Variants in LRBA observed in about 807,000 individuals in gnomAD.
LRBA encodes the protein lipopolysaccharide-responsive and beige-like anchor protein.
A neutral mutation model predicts 330.0 loss-of-function variants in LRBA; 176 were observed. The observed-to-expected ratio is 0.53, with a 90% CI of 0.47 to 0.60. The LOEUF is 0.60. Among genes scored for constraint, LRBA ranks in the 20% least tolerant of loss-of-function variants. LRBA has a pLI of 0.00. For synonymous variants in LRBA, 1,230 were observed against 1,193.0 expected (o/e 1.03, Z -0.64); for missense variants, 3,259 against 3,444.8 (o/e 0.95, Z 1.35).
rs1188733587 is a variant in LRBA, at chr4:150,463,947, G to A, written c.6780+3726C>T. ...TAAAAAAGGGTGGTGTTAGGATGAGGTAAAAGGGTTATGAGAACTTTTGGT... is the reference window on the plus strand; with the variant it reads ...TAAAAAAGGGTGGTGTTAGGATGAGATAAAAGGGTTATGAGAACTTTTGGT... On this transcript the variant is annotated intron_variant, in intron 44 of 56. Coordinates refer to ENST00000651943, the MANE Select transcript of LRBA (RefSeq NM_001364905.1). Among the ~76,000 whole-genome samples the A allele has an allele frequency of 2.0e-5, 3 of 150,960 alleles. No individual in the cohort carries two copies. The East Asian group carries it at 5.8e-4, about 29-fold the overall frequency.
chr4:150,959,781 T>C (rs752986787), intron 2 of LRBA, among the ~76,000 whole-genome samples: 1 of 145,546 alleles, frequency 6.9e-6, no homozygotes, highest in Non-Finnish European at 1.5e-5. Context: ...CTTATTATAT[T>C]ATCTATAATT....
chr4:150,438,616 T>C (rs1320171648), intron 44 of LRBA, among the ~76,000 whole-genome samples: 1 of 152,214 alleles, frequency 6.6e-6, no homozygotes, highest in African/African-American at 2.4e-5. Flanking sequence ...AAATATCTGA[T>C]TATTTGTGGA....
At chr4:150,881,907 C>A (rs1654012518) in intron 17 of LRBA, among the ~76,000 whole-genome samples, 1 of 151,986 alleles carries the variant, frequency 6.6e-6, no homozygotes, top group Admixed American at 6.6e-5. Context: ...ACCAACATGG[C>A]AAAACCCTGT....
chr4:150,854,868 T>G (rs1188420004), intron 22 of LRBA, among the ~76,000 whole-genome samples: 1 of 152,216 alleles, frequency 6.6e-6, no homozygotes. Flanking sequence ...AGATTATGAT[T>G]GTAGAACATT....
rs182428382 is a variant in LRBA at position 150,368,774 on chromosome 4, C to T, written c.7195-18615G>A. ...AGGTGATGTCAAGTAATTTAAAAAA[C>T]ATATTCTAAAAAGAGCTTCTTCTGT... On this transcript the variant is annotated intron_variant, in intron 47 of 56. Coordinates refer to ENST00000651943, the MANE Select transcript of LRBA (RefSeq NM_001364905.1). 1.1e-3 allele frequency among the ~76,000 whole-genome samples: 161 copies of T among 152,258 alleles called. 4 individuals are homozygous for T. Among genetic ancestry groups the T allele is most frequent in the African/African-American group, 3.8e-3 (158 of 41,566 alleles).
intron 26 of LRBA, among the ~76,000 whole-genome samples, chr4:150,846,828 T>G (rs560736893): frequency 1.3e-5 from 2 of 152,290 alleles, no homozygotes; most frequent in African/African-American, 4.8e-5. Context: ...CATTTCCATA[T>G]ATAAGAACAG....
chr4:150,339,216 AC>A (rs1409191970), intron 48 of LRBA, among the ~76,000 whole-genome samples: 8 of 152,166 alleles, frequency 5.3e-5, no homozygotes, highest in African/African-American at 1.9e-4. Flanking sequence ...GGATTAAATA[AC>A]ATATATAGAA....
At chr4:150,994,529 G>A (rs1742435620) in intron 2 of LRBA, among the ~76,000 whole-genome samples, 1 of 152,188 alleles carries the variant, frequency 6.6e-6, no homozygotes, top group Admixed American at 6.5e-5. Context: ...CTACTTTTAT[G>A]GAGTGTGTAT....
chr4:150,269,627 T>G (rs1037486246), intron 56 of LRBA, among the ~76,000 whole-genome samples: 2 of 152,118 alleles, frequency 1.3e-5, no homozygotes, highest in African/African-American at 2.4e-5. Flanking sequence ...AACAAACTCA[T>G]AACAAAAAAT....
chr4:150,593,539 A>G (rs1418809404), intron 38 of LRBA, among the ~76,000 whole-genome samples: 1 of 152,216 alleles, frequency 6.6e-6, no homozygotes, highest in African/African-American at 2.4e-5. Flanking sequence ...TAGATGTAAG[A>G]AACAGAAAGA....
intron 37 of LRBA, among the ~76,000 whole-genome samples, chr4:150,681,889 T>C (rs1181107301): frequency 6.6e-6 from 1 of 152,124 alleles, no homozygotes; most frequent in African/African-American, 2.4e-5. Flanking sequence ...ATAAATACAT[T>C]TCATGGTCCA....
intron 2 of LRBA, among the ~76,000 whole-genome samples, chr4:150,930,205 C>T (rs1734338622): frequency 2.0e-5 from 3 of 152,042 alleles, no homozygotes; most frequent in Non-Finnish European, 2.9e-5. Flanking sequence ...ATCCCAGCTA[C>T]TCAGGAGGTT....
intron 34 of LRBA, among the ~76,000 whole-genome samples, chr4:150,772,014 C>T (rs1736639946): frequency 6.6e-6 from 1 of 152,188 alleles, no homozygotes; most frequent in African/African-American, 2.4e-5. Flanking sequence ...TACCTCTTCC[C>T]CTAAACTTTT....
intron 40 of LRBA, among the ~76,000 whole-genome samples, chr4:150,560,612 C>T (rs180797542): frequency 1.3e-5 from 2 of 152,130 alleles, no homozygotes; most frequent in South Asian, 2.1e-4. Context: ...TTCTGTAGTT[C>T]AATCATTATG....
chr4:150,486,442 A>C (rs1757877690), intron 42 of LRBA, among the ~76,000 whole-genome samples: 1 of 151,864 alleles, frequency 6.6e-6, no homozygotes, highest in African/African-American at 2.4e-5. Context: ...GAAAGAAAAA[A>C]TACATAAATA....
chr4:150,489,058 A>AATATATATT (rs1758294480), intron 41 of LRBA, among the ~76,000 whole-genome samples: 8 of 113,894 alleles, frequency 7.0e-5, no homozygotes, highest in African/African-American at 2.9e-4. Context: ...TATATATAAG[A>AATATATATT]ATATATAATA....
intron 56 of LRBA, among the ~76,000 whole-genome samples, chr4:150,269,353 C>CAA (rs1745777826): frequency 6.6e-6 from 1 of 152,138 alleles, no homozygotes; most frequent in Admixed American, 6.5e-5. Flanking sequence ...CATATGTGCT[C>CAA]AAATAGGGTG....
At chr4:150,355,149 T>G (rs549012725) in intron 47 of LRBA, among the ~76,000 whole-genome samples, 3 of 152,186 alleles carry the variant, frequency 2.0e-5, no homozygotes, top group Non-Finnish European at 2.9e-5. Flanking sequence ...CTAAGCTATT[T>G]GAGAATAAAA....
chr4:150,615,431 C>G (rs900649704), intron 37 of LRBA, among the ~76,000 whole-genome samples: 1 of 151,380 alleles, frequency 6.6e-6, no homozygotes, highest in South Asian at 2.1e-4. Flanking sequence ...GAGAGAGAGA[C>G]GATGTCTGGG....
Sources: gnomAD v4.1 joint callset for allele counts (sites outside exome capture counted in the v4.1 genomes callset) on GRCh38, gnomAD v4.1.1 for gene constraint, MANE v1.5 for transcripts, NCBI Gene and HGNC (gene_info 2026-07-23, HGNC 2026-07-21) for gene names.